Variants in KLHL18 observed in about 807,000 individuals in gnomAD.
The protein encoded by KLHL18 is kelch-like protein 18.
A neutral mutation model predicts 58.5 loss-of-function variants in KLHL18; 38 were observed. The ratio of observed to expected loss-of-function variants is 0.65; its 90% CI spans 0.50 to 0.85. The LOEUF is 0.85. Among genes scored for constraint, KLHL18 ranks in the 40% least tolerant of loss-of-function variants. KLHL18 has a pLI of 0.00. For synonymous variants in KLHL18, 303 were observed against 301.9 expected, an observed-to-expected ratio of 1.00 and a Z score of -0.04; for missense variants, 624 against 778.4, an observed-to-expected ratio of 0.80 and a Z score of 2.36.
rs1041223095 is a variant in KLHL18, at chr3:47,346,786, C to G, written c.*2845C>G. 2.0e-5 allele frequency: 3 copies of G among 152,604 alleles called. No homozygotes were observed. Among genetic ancestry groups the G allele is most frequent in the African/African-American group, 7.2e-5 (3 of 41,426 alleles). 9.5% of individuals were successfully genotyped at this position (152,604 alleles called of 1,614,324 possible). A position where few individuals can be genotyped will look rare whatever the true frequency, so the allele number is the denominator to read the frequency against. On this transcript the variant is annotated 3_prime_UTR_variant, in exon 10 of 10. Coordinates refer to ENST00000232766, the MANE Select transcript of KLHL18 (RefSeq NM_025010.5). ...AATGCATGTCTTTTGTGTTAAGAAA[C>G]CAAAGAGAAATAAAGAGAACACTCC...
intron 1 of KLHL18, among the ~76,000 whole-genome samples, chr3:47,284,218 C>T (rs1021406367): frequency 6.6e-6 from 1 of 151,828 alleles, no homozygotes; most frequent in African/African-American, 2.4e-5. Flanking sequence ...GGCAACACAG[C>T]AAGATCCTAT....
intron 1 of KLHL18, among the ~76,000 whole-genome samples, chr3:47,306,684 T>A (rs1044310388): frequency 6.6e-6 from 1 of 152,226 alleles, no homozygotes; most frequent in Non-Finnish European, 1.5e-5. Flanking sequence ...GTGTTCAACT[T>A]TTCATGATCA....
intron 1 of KLHL18, among the ~76,000 whole-genome samples, chr3:47,300,287 T>TATATATATATA (rs370937631): frequency 1.5e-5 from 2 of 133,136 alleles, no homozygotes; most frequent in South Asian, 4.9e-4. Flanking sequence ...CACCGGCATT[T>TATATATATATA]TATATATATA....
At chr3:47,317,078 TA>T (rs1703471790) in intron 1 of KLHL18, among the ~76,000 whole-genome samples, 1 of 152,190 alleles carries the variant, frequency 6.6e-6, no homozygotes, top group Non-Finnish European at 1.5e-5. Flanking sequence ...TCAGACATTG[TA>T]CATAGACCCC....
chr3:47,340,487 T>C lies in KLHL18; in HGVS notation c.1122-85T>C, dbSNP rs1576187926. ...AGATTTACGTTGCAGAAAGAGGCAA[T>C]TGATAGGTTTGTTTCTCAGTGGGCA... On this transcript the variant is annotated intron_variant, in intron 7 of 9. Transcript: ENST00000232766. 3.1e-6 allele frequency: 5 copies of C among 1,595,858 alleles called. No homozygotes were observed. The East Asian group carries it at 9.0e-5, about 29-fold the overall frequency.
chr3:47,322,353 A>G (rs1381249295), intron 2 of KLHL18, among the ~76,000 whole-genome samples: 1 of 152,214 alleles, frequency 6.6e-6, no homozygotes, highest in African/African-American at 2.4e-5. Flanking sequence ...CAGTAGTGAA[A>G]TTGTAGGTGA....
intron 1 of KLHL18, among the ~76,000 whole-genome samples, chr3:47,314,157 C>T (rs371350863): frequency 2.0e-5 from 3 of 152,170 alleles, no homozygotes; most frequent in Non-Finnish European, 2.9e-5. Flanking sequence ...CAAGCATGCA[C>T]CACCATGCCT....
At chr3:47,283,830 C>G (rs1702563564) in intron 1 of KLHL18, among the ~76,000 whole-genome samples, 1 of 152,226 alleles carries the variant, frequency 6.6e-6, no homozygotes. Context: ...TGCTGTGCTG[C>G]TGCCTGGCCA....
At chr3:47,308,589 C>G (rs1295445063) in intron 1 of KLHL18, among the ~76,000 whole-genome samples, 1 of 152,148 alleles carries the variant, frequency 6.6e-6, no homozygotes, top group Non-Finnish European at 1.5e-5. Flanking sequence ...CGGGGTTTCA[C>G]CATGTTGGCC....
chr3:47,340,227 G>A (rs1430334258), intron 7 of KLHL18, among the ~76,000 whole-genome samples: 7 of 152,182 alleles, frequency 4.6e-5, no homozygotes, highest in Non-Finnish European at 5.9e-5. Flanking sequence ...GGAGCGTGGG[G>A]GTGGGAAAGA....
chr3:47,326,909 G>A (rs1399687920), intron 3 of KLHL18, among the ~76,000 whole-genome samples: 3 of 149,744 alleles, frequency 2.0e-5, no homozygotes, highest in East Asian at 2.0e-4. Context: ...CAACAAGAGC[G>A]AAGCTACATC....
chr3:47,286,039 C>CA (rs1202754892), intron 1 of KLHL18, among the ~76,000 whole-genome samples: 3,141 of 121,894 alleles, frequency 0.026, 186 homozygotes, highest in East Asian at 0.25. Context: ...GACCCTGTCT[C>CA]AAAAAAAAAA....
chr3:47,301,957 A>T (rs1393986756), intron 1 of KLHL18, among the ~76,000 whole-genome samples: 3 of 151,896 alleles, frequency 2.0e-5, no homozygotes, highest in Non-Finnish European at 4.4e-5. Flanking sequence ...TACCACTACC[A>T]TGCCCAGCTA....
At chr3:47,327,733 G>A (rs1576174037) in intron 3 of KLHL18, among the ~76,000 whole-genome samples, 2 of 152,164 alleles carry the variant, frequency 1.3e-5, no homozygotes, top group South Asian at 2.1e-4. Flanking sequence ...GCAAGCTCAG[G>A]CTGGAATGAA....
intron 3 of KLHL18, among the ~76,000 whole-genome samples, chr3:47,324,884 A>G (rs1559499148): frequency 1.3e-5 from 2 of 152,230 alleles, no homozygotes; most frequent in Admixed American, 6.5e-5. Context: ...GCAGGTTTGC[A>G]TGCACCAGTA....
At chr3:47,284,870 G>A (rs886734905) in intron 1 of KLHL18, among the ~76,000 whole-genome samples, 2 of 152,044 alleles carry the variant, frequency 1.3e-5, no homozygotes, top group African/African-American at 4.8e-5. Context: ...ACAGGCTGGA[G>A]TGCAGTGGCA....
chr3:47,337,081 G>A (rs1243542047), intron 7 of KLHL18: 1 of 277,956 alleles, frequency 3.6e-6, no homozygotes, highest in Non-Finnish European at 6.9e-6. Flanking sequence ...GGAACTTCTG[G>A]AAGATTTCAG....
intron 7 of KLHL18, among the ~76,000 whole-genome samples, chr3:47,339,484 T>A (rs1704058480): frequency 7.4e-6 from 1 of 135,976 alleles, no homozygotes. Context: ...GAGCAAGACC[T>A]CATCTCAAAA....
chr3:47,313,231 T>A (rs941886795), intron 1 of KLHL18, among the ~76,000 whole-genome samples: 20 of 148,048 alleles, frequency 1.4e-4, no homozygotes, highest in African/African-American at 4.3e-4. Flanking sequence ...TTTTTTTTTT[T>A]AATAGAGAAA....
Sources: gnomAD v4.1 joint callset for allele counts (sites outside exome capture counted in the v4.1 genomes callset) on GRCh38, gnomAD v4.1.1 for gene constraint, MANE v1.5 for transcripts, NCBI Gene and HGNC (gene_info 2026-07-23, HGNC 2026-07-21) for gene names.